The following PCDH9 variants were observed in gnomAD, a reference collection of about 807,000 sequenced individuals.
PCDH9 encodes the protein protocadherin-9.
In PCDH9, 24 loss-of-function variants were observed where a neutral mutation model predicts 70.6. That is an observed-to-expected ratio of 0.34 (90% CI 0.25 to 0.48). PCDH9 has a LOEUF of 0.48. Ranked by LOEUF, PCDH9 falls within the 20% of genes least tolerant of loss-of-function variation. PCDH9 has a pLI of 0.99. For synonymous variants in PCDH9, 562 were observed against 558.5 expected, an observed-to-expected ratio of 1.01 and a Z score of -0.09; for missense variants, 1,281 against 1,503.6, an observed-to-expected ratio of 0.85 and a Z score of 2.45.
chr13:67,163,364 A>G (rs2088015435), intron 2 of PCDH9, among the ~76,000 whole-genome samples: 2 of 152,232 alleles, frequency 1.3e-5, no homozygotes, highest in Non-Finnish European at 2.9e-5. Flanking sequence ...CAGTTCTTTG[A>G]GAAGATAGAT....
chr13:67,086,041 C>T (rs2086101308), intron 2 of PCDH9, among the ~76,000 whole-genome samples: 1 of 152,088 alleles, frequency 6.6e-6, no homozygotes, highest in Non-Finnish European at 1.5e-5. Context: ...AATATTAATG[C>T]TCTATTGAGG....
chr13:66,964,350 A>G (rs1294178495), intron 2 of PCDH9, among the ~76,000 whole-genome samples: 1 of 151,782 alleles, frequency 6.6e-6, no homozygotes, highest in African/African-American at 2.4e-5. Flanking sequence ...GTATTAGTAA[A>G]CAAAAATCCA....
intron 4 of PCDH9, among the ~76,000 whole-genome samples, chr13:66,522,770 G>A (rs1960054856): frequency 6.6e-6 from 1 of 151,860 alleles, no homozygotes; most frequent in Non-Finnish European, 1.5e-5. Flanking sequence ...GACATGGAGT[G>A]GAATCTCCCC....
chr13:66,598,305 AT>A (rs1353807759), intron 4 of PCDH9, among the ~76,000 whole-genome samples: 6 of 151,714 alleles, frequency 4.0e-5, no homozygotes, highest in Admixed American at 2.0e-4. Context: ...AGATAACCTA[AT>A]TTTTTTCTTG....
At chr13:66,309,640 T>C (rs544725555) in intron 4 of PCDH9, among the ~76,000 whole-genome samples, 26 of 151,834 alleles carry the variant, frequency 1.7e-4, no homozygotes, top group Admixed American at 5.3e-4. Context: ...TGTAATCCTT[T>C]TTCTTTGATA....
intron 3 of PCDH9, among the ~76,000 whole-genome samples, chr13:66,718,867 G>A (rs1348554148): frequency 6.6e-6 from 1 of 152,100 alleles, no homozygotes; most frequent in Non-Finnish European, 1.5e-5. Context: ...ATCCTTAGTA[G>A]TACCTGGCTT....
intron 3 of PCDH9, among the ~76,000 whole-genome samples, chr13:66,666,427 G>GT (rs5804288): frequency 0.53 from 79,187 of 149,516 alleles, 20,935 homozygotes; most frequent in Middle Eastern, 0.57. Flanking sequence ...GATGTTCTGT[G>GT]TTTTTTTTTT....
rs886104498 is a variant in PCDH9, at chr13:66,758,497, A to T, written c.3139-127086T>A. ...ATGTGATGTTTTAATACATGTATAC[A>T]CTGTGTAATGAATAGAACATTCCTA... On this transcript the variant is annotated intron_variant, in intron 3 of 4. Coordinates refer to ENST00000377865, the MANE Select transcript of PCDH9 (RefSeq NM_203487.3). Among the ~76,000 whole-genome samples the T allele has an allele frequency of 2.2e-4, 34 of 152,048 alleles. 1 individual carries two copies. The highest frequency in any genetic ancestry group is 1.5e-5 in the Non-Finnish European group (1 of 67,922).
intron 2 of PCDH9, among the ~76,000 whole-genome samples, chr13:67,027,324 C>T (rs1413922077): frequency 6.6e-6 from 1 of 152,156 alleles, no homozygotes; most frequent in Non-Finnish European, 1.5e-5. Flanking sequence ...AAAGGATTCC[C>T]TATTTAATAA....
chr13:66,736,912 C>A (rs1486890701), intron 3 of PCDH9, among the ~76,000 whole-genome samples: 1 of 152,194 alleles, frequency 6.6e-6, no homozygotes, highest in Non-Finnish European at 1.5e-5. Flanking sequence ...CAACCCTTAA[C>A]TGCCACCTTC....
intron 2 of PCDH9, chr13:67,219,434 T>C (rs568895636): frequency 1.3e-5 from 2 of 152,164 alleles, no homozygotes; most frequent in South Asian, 4.1e-4. Flanking sequence ...AAAAACAGAG[T>C]ACATCTCCTT....
intron 2 of PCDH9, among the ~76,000 whole-genome samples, chr13:67,027,364 T>A (rs1015601317): frequency 6.6e-6 from 1 of 152,158 alleles, no homozygotes. Context: ...TGGCTAGCCA[T>A]ATGTAGAAAG....
chr13:66,752,086 C>T (rs900318093), intron 3 of PCDH9, among the ~76,000 whole-genome samples: 4 of 152,080 alleles, frequency 2.6e-5, no homozygotes, highest in African/African-American at 7.2e-5. Flanking sequence ...AATCAAATAG[C>T]TCAAGGAAAG....
chr13:66,597,131 T>G (rs754602992), intron 4 of PCDH9, among the ~76,000 whole-genome samples: 42 of 151,696 alleles, frequency 2.8e-4, no homozygotes, highest in Non-Finnish European at 3.7e-4. Context: ...AGTCAATGGA[T>G]AGACATCCCA....
intron 2 of PCDH9, chr13:67,212,546 G>C (rs1054243563): frequency 2.6e-5 from 4 of 152,130 alleles, no homozygotes; most frequent in African/African-American, 9.7e-5. Flanking sequence ...AAAAAGCCTA[G>C]CTGTGTATCT....
intron 2 of PCDH9, among the ~76,000 whole-genome samples, chr13:66,991,965 A>T (rs1443748497): frequency 2.6e-5 from 4 of 152,106 alleles, no homozygotes; most frequent in African/African-American, 9.7e-5. Flanking sequence ...GGTTTTTTTT[A>T]AATTTAAGAT....
rs1054867734 is a variant in PCDH9, at chr13:66,603,111, T to C, written c.3340+28099A>G. Reference sequence around the variant, plus strand: ...CACATCCCCATCGTTAAGTGATGCATGACTATACTCTGGAGCATATTCAAG... The same window carrying C: ...CACATCCCCATCGTTAAGTGATGCACGACTATACTCTGGAGCATATTCAAG... On this transcript the variant is annotated intron_variant, in intron 4 of 4. Coordinates refer to ENST00000377865, the MANE Select transcript of PCDH9 (RefSeq NM_203487.3). 2.7e-5 allele frequency among the ~76,000 whole-genome samples: 4 copies of C among 145,972 alleles called. 1 individual carries two copies. The highest frequency in any genetic ancestry group is 2.1e-4 in the Admixed American group (3 of 14,458).
At chr13:66,400,247 A>G (rs929389052) in intron 4 of PCDH9, among the ~76,000 whole-genome samples, 2 of 152,204 alleles carry the variant, frequency 1.3e-5, no homozygotes, top group Non-Finnish European at 2.9e-5. Flanking sequence ...TAAATATACC[A>G]GTCTGTTAAG....
At chr13:66,385,046 A>G (rs1000579829) in intron 4 of PCDH9, among the ~76,000 whole-genome samples, 1 of 151,742 alleles carries the variant, frequency 6.6e-6, no homozygotes, top group Non-Finnish European at 1.5e-5. Context: ...CCTGGTAATC[A>G]CTGCTTTATT....
Sources: allele counts gnomAD v4.1 joint callset (sites outside exome capture counted in the v4.1 genomes callset), GRCh38; gene constraint gnomAD v4.1.1; transcripts MANE v1.5; gene names NCBI Gene and HGNC (gene_info 2026-07-23, HGNC 2026-07-21).